TMPRSS11F: variants seen among roughly 807,000 people sequenced by gnomAD.
TMPRSS11F encodes transmembrane serine protease 11F.
In TMPRSS11F, 47 loss-of-function variants were observed where a neutral mutation model predicts 60.2. That is an observed-to-expected ratio of 0.78 (90% CI 0.62 to 1.00). The LOEUF is 1.00. Among genes scored for constraint, TMPRSS11F ranks in the 50% least tolerant of loss-of-function variants. The pLI, the probability that TMPRSS11F is intolerant of heterozygous loss-of-function variation, is 0.00. For synonymous variants in TMPRSS11F, 166 were observed against 167.3 expected, an observed-to-expected ratio of 0.99 and a Z score of 0.06; for missense variants, 519 against 522.9, an observed-to-expected ratio of 0.99 and a Z score of 0.07.
At chr4:68,055,421 G>A (rs1723023687) in intron 9 of TMPRSS11F, among the ~76,000 whole-genome samples, 2 of 152,096 alleles carry the variant, frequency 1.3e-5, no homozygotes, top group South Asian at 4.1e-4. Flanking sequence ...AGGAAGGAAA[G>A]GAGTGTGAAA....
At chr4:68,056,550 G>A (rs1227098655) in intron 9 of TMPRSS11F, among the ~76,000 whole-genome samples, 1 of 151,638 alleles carries the variant, frequency 6.6e-6, no homozygotes, top group African/African-American at 2.4e-5. Flanking sequence ...ACACAAAAAT[G>A]AAAAGATACT....
Position 68,106,029 on chromosome 4 carries a change from GA to G in TMPRSS11F, c.12-6992del, listed in dbSNP as rs201445464. Among the ~76,000 whole-genome samples the G allele has an allele frequency of 1.7e-3, 255 of 152,152 alleles. 2 individuals carry two copies. The highest frequency in any genetic ancestry group is 6.0e-3 in the African/African-American group (249 of 41,506). On this transcript the variant is annotated intron_variant, in intron 1 of 9. Coordinates refer to ENST00000356291, the MANE Select transcript of TMPRSS11F (RefSeq NM_207407.2). The stretch of plus-strand genomic sequence containing the variant: ...CTTTATCCATTAATAATTCTATGTG[GA>G]CACCAAATAAAATGACATTGTTGTG...
intron 6 of TMPRSS11F, among the ~76,000 whole-genome samples, chr4:68,069,172 T>C (rs1012813820): frequency 1.3e-5 from 2 of 152,122 alleles, no homozygotes; most frequent in Non-Finnish European, 2.9e-5. Flanking sequence ...AGAGGGAACA[T>C]TGCTGGCGGT....
Position 68,064,724 on chromosome 4 carries a change from T to C in TMPRSS11F, c.976A>G (p.Ser326Gly), listed in dbSNP as rs1327862143. The change falls in exon 8 of 10, where the codon AGT (serine) becomes GGT (glycine). Residue 326 changes from serine to glycine, a missense_variant. By Grantham distance (56) the Ser-to-Gly change is moderately conservative. Coordinates refer to ENST00000356291, the MANE Select transcript of TMPRSS11F (RefSeq NM_207407.2). Reference protein sequence around the residue: ...DSSIKLPPKTSVFVTGFGSIV... With the variant: ...DSSIKLPPKTGVFVTGFGSIV... ...GATCCAAATCCTGTGACGAACACAC[T>C]TGTTTTAGGTGGCAACTTTATAGAT... 3 of 1,614,142 alleles carry C rather than the reference T, an allele frequency of 1.9e-6. No individual in the cohort carries two copies. The highest frequency in any genetic ancestry group is 4.5e-5 in the East Asian group (2 of 44,870).
intron 3 of TMPRSS11F, chr4:68,080,365 G>A (rs1196184090): frequency 6.6e-6 from 1 of 152,226 alleles, no homozygotes; most frequent in African/African-American, 2.4e-5. Flanking sequence ...AATGAGTTGT[G>A]AGAAAAGAAT....
intron 1 of TMPRSS11F, among the ~76,000 whole-genome samples, chr4:68,126,971 C>A (rs1560414829): frequency 1.3e-5 from 2 of 152,162 alleles, no homozygotes; most frequent in Non-Finnish European, 2.9e-5. Flanking sequence ...CTCTGCCACG[C>A]CCTTCATTTA....
chr4:68,060,803 GA>G (rs1177725189), intron 8 of TMPRSS11F, among the ~76,000 whole-genome samples: 2 of 151,282 alleles, frequency 1.3e-5, no homozygotes, highest in African/African-American at 4.8e-5. Flanking sequence ...TTTTTTAAAT[GA>G]AAAAATACAG....
At chr4:68,082,511 TC>T (rs1723717987) in intron 3 of TMPRSS11F, among the ~76,000 whole-genome samples, 1 of 152,184 alleles carries the variant, frequency 6.6e-6, no homozygotes, top group Non-Finnish European at 1.5e-5. Flanking sequence ...CAGCTGGCTG[TC>T]CACCAGCCCC....
intron 3 of TMPRSS11F, among the ~76,000 whole-genome samples, chr4:68,089,111 C>T (rs1036510352): frequency 6.6e-6 from 1 of 151,776 alleles, no homozygotes; most frequent in Non-Finnish European, 1.5e-5. Context: ...CAATCCTAAG[C>T]AAAAAGAAAA....
At chr4:68,124,717 T>A (rs1038987488) in intron 1 of TMPRSS11F, among the ~76,000 whole-genome samples, 13 of 152,122 alleles carry the variant, frequency 8.5e-5, no homozygotes, top group Admixed American at 6.6e-4. Flanking sequence ...GATATAAGAG[T>A]TAAGGCTGTT....
At chr4:68,065,045 A>T in intron 7 of TMPRSS11F, 101 bp from the exon 8 acceptor site, 4 of 1,229,466 alleles carry the variant, frequency 3.3e-6, no homozygotes, top group Non-Finnish European at 4.4e-6. Flanking sequence ...TGCTCCTGAA[A>T]CATTCTTTTG....
Position 68,068,668 on chromosome 4 carries a change from G to A in TMPRSS11F, c.705C>T (p.Ala235=), listed in dbSNP as rs756304236. The change falls in exon 7 of 10, where the codon GCC becomes GCT. Residue 235 remains alanine (A), a synonymous_variant. Transcript: ENST00000356291. ...QLIGSGHQCG[A]SLISNTWLLT... ...GCAGCCATGTGTTACTGATGAGGCT[G>A]GCTCCACACTGATGGCCTGACCCTA... is the stretch of plus-strand genomic sequence containing the variant. 67 of 1,614,066 alleles carry A rather than the reference G, an allele frequency of 4.2e-5. No homozygotes were observed. In the Middle Eastern group the frequency reaches 4.9e-4, roughly 12 times the overall value.
intron 1 of TMPRSS11F, among the ~76,000 whole-genome samples, chr4:68,129,106 G>A (rs1724768925): frequency 6.6e-6 from 1 of 152,122 alleles, no homozygotes; most frequent in Non-Finnish European, 1.5e-5. Flanking sequence ...CTTAGCACAA[G>A]TTTGAATGAA....
intron 9 of TMPRSS11F, among the ~76,000 whole-genome samples, chr4:68,058,771 G>C (rs907652432): frequency 2.0e-5 from 3 of 152,140 alleles, no homozygotes; most frequent in African/African-American, 7.2e-5. Context: ...GGAAGCAGTA[G>C]TTAAAAAGCA....
At chr4:68,117,849 C>T (rs1439776002) in intron 1 of TMPRSS11F, among the ~76,000 whole-genome samples, 9 of 152,188 alleles carry the variant, frequency 5.9e-5, no homozygotes, top group African/African-American at 1.2e-4. Flanking sequence ...ATCTCTGTGG[C>T]TAAGGGCTAT....
chr4:68,098,978 A>G lies in TMPRSS11F; in HGVS notation c.72T>C (p.Phe24=), dbSNP rs767428364. 2 of 1,613,256 alleles carry G rather than the reference A, an allele frequency of 1.2e-6. No homozygotes were observed. The highest frequency in any genetic ancestry group is 1.7e-5 in the Admixed American group (1 of 59,904). The change falls in exon 2 of 10, where the codon TTT becomes TTC. Residue 24 remains phenylalanine, a synonymous_variant. Coordinates refer to ENST00000356291, the MANE Select transcript of TMPRSS11F (RefSeq NM_207407.2). ...AAAGAGCTAGCCGTACTGAGTCCCA[A>G]AATTGCTGCTTTCTTTGATATTCAG... ...SRAEYQRKQQ[F]WDSVRLALFT... is the part of the protein sequence containing the mutation.
chr4:68,117,703 C>T (rs1172624977), intron 1 of TMPRSS11F, among the ~76,000 whole-genome samples: 1 of 152,044 alleles, frequency 6.6e-6, no homozygotes, highest in Non-Finnish European at 1.5e-5. Flanking sequence ...AGGGTTGGCT[C>T]CAAGTTCTCA....
intron 1 of TMPRSS11F, among the ~76,000 whole-genome samples, chr4:68,111,890 T>C (rs1164495028): frequency 6.6e-6 from 1 of 152,230 alleles, no homozygotes; most frequent in African/African-American, 2.4e-5. Flanking sequence ...TTCTGTACTC[T>C]ATAAATCTTC....
intron 9 of TMPRSS11F, among the ~76,000 whole-genome samples, chr4:68,055,847 C>A (rs2109824254): frequency 6.6e-6 from 1 of 152,228 alleles, no homozygotes; most frequent in East Asian, 1.9e-4. Context: ...AGGAATCATT[C>A]ATCATTATCA....
Sources: allele counts gnomAD v4.1 joint callset (sites outside exome capture counted in the v4.1 genomes callset), GRCh38; gene constraint gnomAD v4.1.1; transcripts MANE v1.5; gene names NCBI Gene and HGNC (gene_info 2026-07-23, HGNC 2026-07-21).